Variants in DYRK1A observed in about 807,000 individuals in gnomAD.
The protein encoded by DYRK1A is dual specificity tyrosine phosphorylation regulated kinase 1A, also known as dual specificity tyrosine-phosphorylation-regulated kinase 1A.
DYRK1A carries 9 observed loss-of-function variants against 79.7 expected under a neutral mutation model. The ratio of observed to expected loss-of-function variants is 0.11; its 90% CI spans 0.07 to 0.20. DYRK1A has a LOEUF of 0.20. Ranked by LOEUF, DYRK1A falls within the 10% of genes least tolerant of loss-of-function variation. The pLI is 1.00. For synonymous variants in DYRK1A, 349 were observed against 329.7 expected, an observed-to-expected ratio of 1.06 and a Z score of -0.63; for missense variants, 622 against 956.0, an observed-to-expected ratio of 0.65 and a Z score of 4.61.
chr21:37,497,438 T>C, intron 9 of DYRK1A, among the ~76,000 whole-genome samples: 1 of 152,168 alleles, frequency 6.6e-6, no homozygotes, highest in East Asian at 1.9e-4. Context: ...CTCTTGTTTT[T>C]TCTTTACCCA....
In DYRK1A at chr21:37,506,158, C is replaced by T. The variant is rs780009759; in HGVS notation, c.1579C>T (p.Arg527Trp). The T allele has an allele frequency of 6.8e-6, 11 of 1,614,174 alleles. No homozygotes were observed. The highest frequency in any genetic ancestry group is 1.1e-5 in the South Asian group (1 of 91,080). Residue 527 changes from arginine (R) to tryptophan (W), a missense_variant, in exon 11 of 12, where the codon CGG (arginine) becomes TGG (tryptophan). By Grantham distance (101) the Arg-to-Trp change is moderately radical. Coordinates refer to ENST00000647188, the MANE Select transcript of DYRK1A (RefSeq NM_001347721.2). ...CCGGTCGGATCCGACGCACCAGCAT[C>T]GGCACAGTGGTGGGCACTTCACAGC... Reference protein sequence around the residue: ...RARSDPTHQHRHSGGHFTAAV... With the variant: ...RARSDPTHQHWHSGGHFTAAV...
chr21:37,388,454 G>A (rs577074565), intron 1 of DYRK1A, among the ~76,000 whole-genome samples: 1 of 152,232 alleles, frequency 6.6e-6, no homozygotes, highest in Admixed American at 6.5e-5. Context: ...ATGTGTATCT[G>A]TAAAAGATAA....
chr21:37,386,464 T>C (rs2049762736), intron 1 of DYRK1A, among the ~76,000 whole-genome samples: 1 of 152,124 alleles, frequency 6.6e-6, no homozygotes, highest in South Asian at 2.1e-4. Context: ...ATTCTGAGGG[T>C]TTTAGGGGAT....
At chr21:37,420,461 G>A in intron 2 of DYRK1A, 77 bp downstream of exon 2, 1 of 1,476,612 alleles carries the variant, frequency 6.8e-7, no homozygotes, top group Admixed American at 1.7e-5. Flanking sequence ...GAATGGGGGA[G>A]GTTTCTGATA....
intron 2 of DYRK1A, among the ~76,000 whole-genome samples, chr21:37,457,030 TTAC>T (rs879656925): frequency 3.1e-3 from 220 of 70,856 alleles, no homozygotes; most frequent in East Asian, 0.024. Flanking sequence ...ACTTACTTAC[TTAC>T]TTACTTATTT....
In DYRK1A at chr21:37,383,837, A is replaced by ATGTGTGTGTGTG. The variant is rs112549944; in HGVS notation, c.-77+16221_-77+16232dup. ...GGGGTGATGTGATAGGTAATGGTGT[A>ATGTGTGTGTGTG]TGTGTGTGTGTGTGTGTGTGTGTAG... On this transcript the variant is annotated intron_variant, in intron 1 of 11. Transcript: ENST00000647188. Among the ~76,000 whole-genome samples, 326 of 148,480 alleles carry ATGTGTGTGTGTG rather than the reference A, an allele frequency of 2.2e-3. 1 individual carries two copies. The highest frequency in any genetic ancestry group is 5.5e-3 in the African/African-American group (217 of 39,574).
At chr21:37,439,612 C>T (rs957817517) in intron 2 of DYRK1A, among the ~76,000 whole-genome samples, 4 of 152,172 alleles carry the variant, frequency 2.6e-5, no homozygotes, top group Admixed American at 2.0e-4. Flanking sequence ...AGGTTGCGTG[C>T]TTCTTATGAG....
chr21:37,367,896 A>G (rs778476001), intron 1 of DYRK1A: 2 of 152,826 alleles, frequency 1.3e-5, no homozygotes, highest in African/African-American at 4.8e-5. Flanking sequence ...GGCCGTAGAC[A>G]GCGCCAGACC....
chr21:37,437,153 T>TGGTG (rs1307619386), intron 2 of DYRK1A, among the ~76,000 whole-genome samples: 1 of 152,250 alleles, frequency 6.6e-6, no homozygotes, highest in Non-Finnish European at 1.5e-5. Flanking sequence ...GGGCCCTAAG[T>TGGTG]GGTGGATAGT....
chr21:37,483,817 A>T (rs1204231098), intron 5 of DYRK1A, among the ~76,000 whole-genome samples: 1 of 151,908 alleles, frequency 6.6e-6, no homozygotes, highest in Non-Finnish European at 1.5e-5. Context: ...TCCTGGGCTC[A>T]ACCAGTCCTC....
At position 37,495,972 on chromosome 21, in the gene DYRK1A, T is replaced by TG. The variant is rs1722047807; in HGVS notation, c.1072-145dup. 3 of 677,766 alleles carry TG rather than the reference T, an allele frequency of 4.4e-6. No individual in the cohort carries two copies. The East Asian group carries it at 8.5e-5, about 19-fold the overall frequency. The allele number at this position is 677,766 out of a possible 1,614,324, so 42.0% of individuals were successfully genotyped here. A position where few individuals can be genotyped will look rare whatever the true frequency, so the allele number is the denominator to read the frequency against. ...CTCAAGGAAGGTAGGGCCTTTCTTG[T>TG]GTTTGTTCATTACTGTATGCTGGAT... On this transcript the variant is annotated intron_variant, in intron 8 of 11. Coordinates refer to ENST00000647188, the MANE Select transcript of DYRK1A (RefSeq NM_001347721.2).
At chr21:37,430,492 G>A (rs770618751) in intron 2 of DYRK1A, 24 of 844,250 alleles carry the variant, frequency 2.8e-5, no homozygotes, top group African/African-American at 3.7e-5. Flanking sequence ...TCCATGCACC[G>A]CGCAAATACC....
rs2236687 is a variant in DYRK1A at position 37,517,426 on chromosome 21, C to T, written c.*4895C>T. The T allele has an allele frequency of 0.55, 84,215 of 152,056 alleles. 24,032 individuals are homozygous for T. The highest frequency in any genetic ancestry group is 0.7 in the African/African-American group (28,982 of 41,462). 9.4% of individuals were successfully genotyped at this position (152,056 alleles called of 1,614,324 possible). ...GAAAGACCAGCTATTTGATAATCTTCCCGATTAAATTTCTAAAATTGCTAC... is the reference window on the plus strand; with the variant it reads ...GAAAGACCAGCTATTTGATAATCTTTCCGATTAAATTTCTAAAATTGCTAC... On this transcript the variant is annotated 3_prime_UTR_variant, in exon 12 of 12. Coordinates refer to ENST00000647188, the MANE Select transcript of DYRK1A (RefSeq NM_001347721.2).
intron 1 of DYRK1A, among the ~76,000 whole-genome samples, chr21:37,372,986 TC>T (rs2049463039): frequency 1.3e-5 from 2 of 152,230 alleles, no homozygotes; most frequent in South Asian, 4.1e-4. Context: ...AAATTTAATT[TC>T]TCCATTAAAT....
chr21:37,508,862 T>C (rs928761165), intron 11 of DYRK1A, among the ~76,000 whole-genome samples: 3 of 152,232 alleles, frequency 2.0e-5, no homozygotes, highest in Non-Finnish European at 4.4e-5. Context: ...AGGTCTTAAG[T>C]ATCACTACTC....
rs1183029117 is a variant in DYRK1A at position 37,479,606 on chromosome 21, G to GTTTTT, written c.301-1031_301-1027dup. Among the ~76,000 whole-genome samples the GTTTTT allele has an allele frequency of 3.3e-3, 92 of 27,586 alleles. 14 individuals are homozygous for GTTTTT. Among genetic ancestry groups the GTTTTT allele is most frequent in the Middle Eastern group, 0.037 (2 of 54 alleles). 18.1% of individuals were successfully genotyped at this position (27,586 alleles called of 152,430 possible). ...GTGTTGGTGTTTTGTTTTTGTTTTT[G>GTTTTT]TTTTTGTTTTTTGTTTTTTTTTTTT... On this transcript the variant is annotated intron_variant, in intron 4 of 11. Transcript: ENST00000647188.
rs1569407403 is a variant in DYRK1A at position 37,512,770 on chromosome 21, C to G, written c.*239C>G. On this transcript the variant is annotated 3_prime_UTR_variant, in exon 12 of 12. Coordinates refer to ENST00000647188, the MANE Select transcript of DYRK1A (RefSeq NM_001347721.2). ...CTCAGAGGTATCCTCTTTTTGCTCC[C>G]CCATTTTAACTTGCCACATCCCAGT... 1 of 477,366 alleles carries G rather than the reference C, an allele frequency of 2.1e-6. No homozygotes were observed. The highest frequency in any genetic ancestry group is 3.2e-5 in the East Asian group (1 of 31,298). The allele number at this position is 477,366 out of a possible 1,614,324, so 29.6% of individuals were successfully genotyped here.
chr21:37,449,191 A>G (rs1297208229), intron 2 of DYRK1A, among the ~76,000 whole-genome samples: 2 of 152,230 alleles, frequency 1.3e-5, no homozygotes, highest in African/African-American at 4.8e-5. Context: ...AAGCTGAGAA[A>G]TGACATTTAA....
At chr21:37,473,296 A>G (rs1468055889) in intron 3 of DYRK1A, among the ~76,000 whole-genome samples, 3 of 152,202 alleles carry the variant, frequency 2.0e-5, no homozygotes, top group Non-Finnish European at 4.4e-5. Context: ...AATAAATACA[A>G]AACTCCCTAA....
Sources: gnomAD v4.1 joint callset for allele counts (sites outside exome capture counted in the v4.1 genomes callset) on GRCh38, gnomAD v4.1.1 for gene constraint, MANE v1.5 for transcripts, NCBI Gene and HGNC (gene_info 2026-07-23, HGNC 2026-07-21) for gene names.